The following CFAP210 variants were observed in gnomAD, a reference collection of about 807,000 sequenced individuals.
CFAP210 encodes cilia and flagella associated protein 210.
the CFAP210 span, among the ~76,000 whole-genome samples, chr2:169,685,850 C>T: frequency 1.3e-5 from 2 of 151,846 alleles, no homozygotes; most frequent in African/African-American, 4.8e-5. Context: ...TCCACTTATC[C>T]CAGCACCATT....
the CFAP210 span, among the ~76,000 whole-genome samples, chr2:169,676,435 T>C: frequency 6.6e-6 from 1 of 151,808 alleles, no homozygotes; most frequent in Non-Finnish European, 1.5e-5. Flanking sequence ...TAAAATCAAG[T>C]TTTCTATATT....
At chr2:169,689,713 T>C in the CFAP210 span, among the ~76,000 whole-genome samples, 3 of 152,200 alleles carry the variant, frequency 2.0e-5, no homozygotes, top group Non-Finnish European at 4.4e-5. Context: ...CTATCACCAT[T>C]AACTATGATG....
At chr2:169,692,440 G>GCACGCA in the CFAP210 span, among the ~76,000 whole-genome samples, 1 of 92,120 alleles carries the variant, frequency 1.1e-5, no homozygotes, top group South Asian at 3.8e-4. Flanking sequence ...GGCAACAGGC[G>GCACGCA]CACGCACACA....
At chr2:169,671,232 A>G in the CFAP210 span, among the ~76,000 whole-genome samples, 6 of 152,186 alleles carry the variant, frequency 3.9e-5, no homozygotes, top group South Asian at 2.1e-4. Flanking sequence ...ACCATATTCT[A>G]TCCCACTCTG....
chr2:169,678,812 G>A, the CFAP210 span, among the ~76,000 whole-genome samples: 1 of 151,824 alleles, frequency 6.6e-6, no homozygotes, highest in African/African-American at 2.4e-5. Context: ...GCGACAGAGT[G>A]AGACTCCATT....
the CFAP210 span, among the ~76,000 whole-genome samples, chr2:169,673,107 C>T: frequency 1.3e-5 from 2 of 152,160 alleles, no homozygotes; most frequent in Non-Finnish European, 2.9e-5. Flanking sequence ...GACGTCAGAG[C>T]TTGATGAACA....
At chr2:169,653,257 G>C in the CFAP210 span, among the ~76,000 whole-genome samples, 2 of 151,374 alleles carry the variant, frequency 1.3e-5, no homozygotes, top group Non-Finnish European at 2.9e-5. Flanking sequence ...CAAGTTACGT[G>C]CTCTCTGGAG....
the CFAP210 span, among the ~76,000 whole-genome samples, chr2:169,657,539 G>A: frequency 1.3e-5 from 2 of 152,140 alleles, no homozygotes; most frequent in South Asian, 2.1e-4. Context: ...TCAACATGGC[G>A]AAACCCTGTC....
the CFAP210 span, among the ~76,000 whole-genome samples, chr2:169,647,414 A>G: frequency 6.6e-6 from 1 of 152,194 alleles, no homozygotes; most frequent in African/African-American, 2.4e-5. Flanking sequence ...ATAAATATAT[A>G]AAGAAAAAGT....
the CFAP210 span, among the ~76,000 whole-genome samples, chr2:169,655,240 C>T: frequency 6.6e-6 from 1 of 152,188 alleles, no homozygotes; most frequent in African/African-American, 2.4e-5. Context: ...TCAAGGGAAA[C>T]TCCCACCTCA....
At chr2:169,691,218 T>A in the CFAP210 span, among the ~76,000 whole-genome samples, 1 of 152,200 alleles carries the variant, frequency 6.6e-6, no homozygotes, top group African/African-American at 2.4e-5. Context: ...ATTTTTTAAT[T>A]CAGTTATTGT....
At chr2:169,648,513 C>T in the CFAP210 span, among the ~76,000 whole-genome samples, 3 of 151,940 alleles carry the variant, frequency 2.0e-5, no homozygotes, top group Non-Finnish European at 4.4e-5. Flanking sequence ...GAAAACAACC[C>T]AATTAAAAAT....
At chr2:169,653,014 AAAAAAAAAAAAAAAAAT>A in the CFAP210 span, among the ~76,000 whole-genome samples, 1 of 58,528 alleles carries the variant, frequency 1.7e-5, no homozygotes, top group Non-Finnish European at 3.2e-5. Flanking sequence ...AAAAAAAAAA[AAAAAAAAAAAAAAAAAT>A]ATATATATAT....
the CFAP210 span, among the ~76,000 whole-genome samples, chr2:169,678,437 A>C: frequency 6.2e-4 from 94 of 152,128 alleles, 1 homozygote; most frequent in Admixed American, 6.1e-3. Flanking sequence ...CAATATTGTC[A>C]TAATGTAACT....
chr2:169,693,420 C>T, the CFAP210 span, among the ~76,000 whole-genome samples: 20 of 152,158 alleles, frequency 1.3e-4, no homozygotes, highest in East Asian at 5.8e-4. Context: ...GGCAAAAGTC[C>T]GCTGCTAACC....
chr2:169,661,860 A>G, the CFAP210 span, among the ~76,000 whole-genome samples: 3 of 152,170 alleles, frequency 2.0e-5, no homozygotes, highest in African/African-American at 7.2e-5. Context: ...CAAATATATT[A>G]TGTTCTCACT....
the CFAP210 span, among the ~76,000 whole-genome samples, chr2:169,677,282 C>A: frequency 6.6e-6 from 1 of 152,144 alleles, no homozygotes; most frequent in Admixed American, 6.5e-5. Context: ...AAACTATGGA[C>A]CAATATCCCT....
chr2:169,653,338 G>A, the CFAP210 span, among the ~76,000 whole-genome samples: 4 of 151,866 alleles, frequency 2.6e-5, no homozygotes, highest in East Asian at 7.8e-4. Flanking sequence ...GGAATAGTAA[G>A]AGAAGAGGTC....
At chr2:169,691,049 G>A in the CFAP210 span, among the ~76,000 whole-genome samples, 1 of 152,072 alleles carries the variant, frequency 6.6e-6, no homozygotes, top group South Asian at 2.1e-4. Context: ...ATATTTGCTG[G>A]TGCCCTACAT....
Sources: gnomAD v4.1 joint callset for allele counts (sites outside exome capture counted in the v4.1 genomes callset) on GRCh38, gnomAD v4.1.1 for gene constraint, MANE v1.5 for transcripts, NCBI Gene and HGNC (gene_info 2026-07-23, HGNC 2026-07-21) for gene names.